The following PLEKHG1 variants were observed in gnomAD, a reference collection of about 807,000 sequenced individuals.
The protein encoded by PLEKHG1 is pleckstrin homology domain-containing family G member 1.
A neutral mutation model predicts 100.8 loss-of-function variants in PLEKHG1; 44 were observed. That is an observed-to-expected ratio of 0.44 (90% CI 0.34 to 0.56). The LOEUF is 0.56. Ranked by LOEUF, PLEKHG1 falls within the 20% of genes least tolerant of loss-of-function variation. The pLI is 0.01. For missense variants in PLEKHG1, 1,545 were observed against 1,720.9 expected, an observed-to-expected ratio of 0.90 and a Z score of 1.81; for synonymous variants, 640 against 662.5, an observed-to-expected ratio of 0.97 and a Z score of 0.52.
chr6:150,704,413 A>G (rs1371846591), intron 3 of PLEKHG1, among the ~76,000 whole-genome samples: 2 of 152,256 alleles, frequency 1.3e-5, no homozygotes, highest in Non-Finnish European at 2.9e-5. Flanking sequence ...GCCTAGTTCT[A>G]TTCACAATCC....
intron 1 of PLEKHG1, among the ~76,000 whole-genome samples, chr6:150,617,306 C>G (rs1345696362): frequency 1.3e-5 from 2 of 152,162 alleles, no homozygotes; most frequent in African/African-American, 4.8e-5. Context: ...AAGAGACTTC[C>G]TTTTTAAAAA....
intron 10 of PLEKHG1, among the ~76,000 whole-genome samples, chr6:150,815,048 A>G (rs1007759255): frequency 2.6e-5 from 4 of 152,200 alleles, no homozygotes; most frequent in South Asian, 2.1e-4. Flanking sequence ...AATATACTTT[A>G]TTCACTATAA....
At chr6:150,767,007 G>A (rs1364374155) in intron 2 of PLEKHG1, among the ~76,000 whole-genome samples, 1 of 151,578 alleles carries the variant, frequency 6.6e-6, no homozygotes, top group Non-Finnish European at 1.5e-5. Flanking sequence ...TGTACAATAT[G>A]CCCTCCAAAA....
At chr6:150,754,545 G>C (rs902972405) in intron 2 of PLEKHG1, among the ~76,000 whole-genome samples, 1 of 152,124 alleles carries the variant, frequency 6.6e-6, no homozygotes, top group Non-Finnish European at 1.5e-5. Flanking sequence ...AGCGATGAGA[G>C]AGAGGACAAG....
At chr6:150,627,061 G>A (rs1362750562) in intron 1 of PLEKHG1, among the ~76,000 whole-genome samples, 3 of 152,048 alleles carry the variant, frequency 2.0e-5, no homozygotes, top group Non-Finnish European at 2.9e-5. Flanking sequence ...AATAGATCAA[G>A]GGAAGAAGAA....
chr6:150,787,555 G>A (rs1785698612), intron 4 of PLEKHG1, among the ~76,000 whole-genome samples: 3 of 152,212 alleles, frequency 2.0e-5, no homozygotes, highest in Non-Finnish European at 2.9e-5. Flanking sequence ...TGAAATGCAC[G>A]AAGGTTTAAT....
chr6:150,774,219 A>T (rs570847164), intron 3 of PLEKHG1, among the ~76,000 whole-genome samples: 1 of 152,168 alleles, frequency 6.6e-6, no homozygotes, highest in Non-Finnish European at 1.5e-5. Flanking sequence ...AAGTCTTCCT[A>T]TACAATATTG....
exon 2 of PLEKHG1, chr6:150,733,956 G>C: frequency 6.2e-7 from 1 of 1,614,212 alleles, no homozygotes; most frequent in African/African-American, 1.3e-5. Context: ...GCGCAGTGGA[G>C]AGTGGACTCA....
intron 1 of PLEKHG1, among the ~76,000 whole-genome samples, chr6:150,722,112 A>C (rs192240209): frequency 2.0e-5 from 3 of 152,230 alleles, no homozygotes; most frequent in Middle Eastern, 3.4e-3. Flanking sequence ...ATCTATTTCT[A>C]ATGTAGACAA....
chr6:150,677,699 G>A (rs79103299), intron 3 of PLEKHG1, among the ~76,000 whole-genome samples: 226 of 150,344 alleles, frequency 1.5e-3, no homozygotes, highest in Non-Finnish European at 2.7e-3. Flanking sequence ...GTGAGATCCC[G>A]TCTCTAAAAA....
Position 150,832,286 on chromosome 6 carries a change from C to T in PLEKHG1, c.3094+81C>T, listed in dbSNP as rs1262654255. Reference sequence around the variant, plus strand: ...AGATTTCAGATGTCCTTAAAACGGACACACCTGTGAGAACACTGACACTCA... The same window carrying T: ...AGATTTCAGATGTCCTTAAAACGGATACACCTGTGAGAACACTGACACTCA... On this transcript the variant is annotated intron_variant, in intron 15 of 15. Coordinates refer to ENST00000358517, the Ensembl canonical transcript of PLEKHG1. 3.4e-6 allele frequency: 4 copies of T among 1,169,144 alleles called. No homozygotes were observed. In the African/African-American group the frequency reaches 4.6e-5, roughly 13 times the overall value. The allele number at this position is 1,169,144 out of a possible 1,614,324, so 72.4% of individuals were successfully genotyped here.
At chr6:150,743,090 G>A (rs79832349) in intron 2 of PLEKHG1, among the ~76,000 whole-genome samples, 10,106 of 152,250 alleles carry the variant, frequency 0.066, 460 homozygotes, top group Admixed American at 0.14. Context: ...CAGTCTAGCC[G>A]TGTGTCCAAA....
At position 150,680,823 on chromosome 6, in the gene PLEKHG1, A is replaced by G. The variant is rs1033982716; in HGVS notation, c.-99+30037A>G. On this transcript the variant is annotated intron_variant, in intron 3 of 3. Coordinates refer to the PLEKHG1 transcript ENST00000367326. ...GAAGAGATGAAGACAGTGAGTACAG[A>G]TAACCCATTTGTAGCTTTTACACTT... Among the ~76,000 whole-genome samples, 5 of 152,192 alleles carry G rather than the reference A, an allele frequency of 3.3e-5. No homozygotes were observed. In the South Asian group the frequency reaches 8.3e-4, roughly 25 times the overall value.
At chr6:150,661,872 G>A (rs1779207220) in intron 3 of PLEKHG1, among the ~76,000 whole-genome samples, 1 of 152,098 alleles carries the variant, frequency 6.6e-6, no homozygotes, top group African/African-American at 2.4e-5. Context: ...TTTATGTATT[G>A]TCCCCATTTT....
At chr6:150,838,338 A>G (rs923924945) in intron 15 of PLEKHG1, among the ~76,000 whole-genome samples, 8 of 152,244 alleles carry the variant, frequency 5.3e-5, no homozygotes, top group African/African-American at 1.7e-4. Flanking sequence ...CATGCAGCCC[A>G]TAACAGCTTT....
intron 4 of PLEKHG1, among the ~76,000 whole-genome samples, chr6:150,795,050 G>A (rs910878369): frequency 6.6e-6 from 1 of 152,006 alleles, no homozygotes; most frequent in Non-Finnish European, 1.5e-5. Context: ...AAAAAAATTG[G>A]AGAATGTGAA....
chr6:150,618,462 C>A (rs868671909), intron 1 of PLEKHG1, among the ~76,000 whole-genome samples: 25 of 152,282 alleles, frequency 1.6e-4, no homozygotes, highest in African/African-American at 4.3e-4. Context: ...TGGAAATATT[C>A]CCACTGTGGC....
chr6:150,796,121 G>T (rs9478824), intron 5 of PLEKHG1, among the ~76,000 whole-genome samples: 6,129 of 152,218 alleles, frequency 0.04, 403 homozygotes, highest in African/African-American at 0.14. Flanking sequence ...GGGAAAAATT[G>T]TAAAAGTCTA....
intron 2 of PLEKHG1, among the ~76,000 whole-genome samples, chr6:150,650,412 T>C (rs2128573560): frequency 6.6e-6 from 1 of 152,356 alleles, no homozygotes; most frequent in Non-Finnish European, 1.5e-5. Flanking sequence ...TATGTTCAAG[T>C]CTCCTTTTGA....
Sources: gnomAD v4.1 joint callset for allele counts (sites outside exome capture counted in the v4.1 genomes callset) on GRCh38, gnomAD v4.1.1 for gene constraint, MANE v1.5 for transcripts, NCBI Gene and HGNC (gene_info 2026-07-23, HGNC 2026-07-21) for gene names.